ADAMTS9: variants seen among roughly 807,000 people sequenced by gnomAD.
ADAMTS9 encodes the protein A disintegrin and metalloproteinase with thrombospondin motifs 9.
A neutral mutation model predicts 257.1 loss-of-function variants in ADAMTS9; 107 were observed. The observed-to-expected ratio is 0.42, with a 90% CI of 0.36 to 0.49. ADAMTS9 has a LOEUF of 0.49. Ranked by LOEUF, ADAMTS9 falls within the 20% of genes least tolerant of loss-of-function variation. The pLI is 0.03. For missense variants in ADAMTS9, 2,353 were observed against 2,469.1 expected, an observed-to-expected ratio of 0.95 and a Z score of 1.00; for synonymous variants, 982 against 880.9, an observed-to-expected ratio of 1.11 and a Z score of -2.03.
intron 30 of ADAMTS9, among the ~76,000 whole-genome samples, chr3:64,555,825 G>C (rs541827764): frequency 2.3e-3 from 347 of 152,248 alleles, no homozygotes; most frequent in African/African-American, 8.1e-3. Context: ...TGGAGAAGCG[G>C]GGGAGCAGAA....
At chr3:64,643,445 A>AATT (rs1700707370) in intron 11 of ADAMTS9, among the ~76,000 whole-genome samples, 1 of 61,406 alleles carries the variant, frequency 1.6e-5, no homozygotes, top group African/African-American at 7.0e-5. Flanking sequence ...TTACTCAATA[A>AATT]TTTTTTTTTT....
intron 8 of ADAMTS9, among the ~76,000 whole-genome samples, chr3:64,653,291 G>C (rs1328629018): frequency 6.6e-6 from 1 of 152,200 alleles, no homozygotes; most frequent in Non-Finnish European, 1.5e-5. Context: ...CGAGGATAGA[G>C]ACGATGCTGA....
chr3:64,594,390 G>A lies in ADAMTS9; in HGVS notation c.4224C>T (p.Val1408=), dbSNP rs747106353. 1 of 1,614,106 alleles carries A rather than the reference G, an allele frequency of 6.2e-7. No individual in the cohort carries two copies. Among genetic ancestry groups the A allele is most frequent in the Non-Finnish European group, 8.5e-7 (1 of 1,179,968 alleles). Residue 1408 remains valine, a synonymous_variant, in exon 28 of 40, where the codon GTC becomes GTT. Coordinates refer to ENST00000498707, the MANE Select transcript of ADAMTS9 (RefSeq NM_182920.2). ...ACCGTTCACCGTTGGACCGCTGACAGACCACCAGTCTTGTTCTTATGCCTC... is the reference window on the plus strand; with the variant it reads ...ACCGTTCACCGTTGGACCGCTGACAAACCACCAGTCTTGTTCTTATGCCTC... The part of the protein sequence containing the change: ...CGGGIRTRLV[V]CQRSNGERFP...
chr3:64,587,940 G>T (rs1363914993), intron 28 of ADAMTS9: 1 of 152,092 alleles, frequency 6.6e-6, no homozygotes, highest in Non-Finnish European at 1.5e-5. Context: ...TGGAGGCCAA[G>T]GACCCAGCAG....
chr3:64,533,185 G>C lies in ADAMTS9; in HGVS notation c.5699C>G (p.Ser1900Cys). The change falls in exon 38 of 40, where the codon TCT (serine) becomes TGT (cysteine). Residue 1900 changes from serine (S) to cysteine (C), a missense_variant. By Grantham distance (112) the Ser-to-Cys change is moderately radical. This residue lies in a region of ADAMTS9 where 1,402 missense variants were observed against 1,441.4 expected (regional missense o/e 0.97). Coordinates refer to ENST00000498707, the MANE Select transcript of ADAMTS9 (RefSeq NM_182920.2). ...CCTTACCGGCGACTTCTTGATGTCA[G>C]AGACAGCATAATTCCCTTGTGATAT... is the stretch of plus-strand genomic sequence containing the variant. ...RWISQGNYAV[S>C]DIKKSPDGTR... is the part of the protein sequence containing the mutation. 6.2e-7 allele frequency: 1 copy of C among 1,613,888 alleles called. No homozygotes were observed.
At chr3:64,577,501 T>C (rs939377847) in intron 28 of ADAMTS9, among the ~76,000 whole-genome samples, 1 of 152,054 alleles carries the variant, frequency 6.6e-6, no homozygotes, top group Non-Finnish European at 1.5e-5. Context: ...GGGAGGGCGG[T>C]GGGTGAGAAA....
intron 23 of ADAMTS9, among the ~76,000 whole-genome samples, chr3:64,606,660 A>C (rs1248223552): frequency 6.6e-6 from 1 of 152,216 alleles, no homozygotes; most frequent in Non-Finnish European, 1.5e-5. Context: ...GTTACTGAAT[A>C]CTACATTGAA....
chr3:64,675,210 C>T (rs1216211240), intron 3 of ADAMTS9, among the ~76,000 whole-genome samples: 1 of 152,122 alleles, frequency 6.6e-6, no homozygotes, highest in African/African-American at 2.4e-5. Flanking sequence ...CTCAGTTTTC[C>T]AATCTGCAAA....
At chr3:64,595,855 T>C (rs2084355835) in intron 27 of ADAMTS9, among the ~76,000 whole-genome samples, 1 of 152,168 alleles carries the variant, frequency 6.6e-6, no homozygotes, top group African/African-American at 2.4e-5. Context: ...ATTTGATAAA[T>C]GTTATAGTCA....
chr3:64,656,835 G>C (rs554900755), intron 4 of ADAMTS9, among the ~76,000 whole-genome samples: 2 of 151,912 alleles, frequency 1.3e-5, no homozygotes, highest in African/African-American at 4.8e-5. Context: ...AAGGCAAGGA[G>C]TACCATAGGC....
intron 16 of ADAMTS9, among the ~76,000 whole-genome samples, chr3:64,625,182 G>A (rs1445818510): frequency 6.6e-6 from 1 of 152,152 alleles, no homozygotes; most frequent in Non-Finnish European, 1.5e-5. Flanking sequence ...GGTAACAGCC[G>A]CCCAAGAAAC....
intron 38 of ADAMTS9, among the ~76,000 whole-genome samples, chr3:64,526,781 C>T (rs111720942): frequency 5.9e-5 from 9 of 152,098 alleles, no homozygotes; most frequent in African/African-American, 1.4e-4. Context: ...TACCCCATCA[C>T]GGGTTTGCTG....
intron 22 of ADAMTS9, among the ~76,000 whole-genome samples, chr3:64,610,371 T>A (rs943766377): frequency 6.6e-6 from 1 of 152,138 alleles, no homozygotes; most frequent in African/African-American, 2.4e-5. Flanking sequence ...GGAATTGACA[T>A]CTAGAACCTA....
At chr3:64,539,744 C>T (rs17070941) in intron 36 of ADAMTS9, among the ~76,000 whole-genome samples, 10,131 of 152,246 alleles carry the variant, frequency 0.067, 1,258 homozygotes, top group Admixed American at 0.3. Flanking sequence ...CCTGAGGTTT[C>T]CTCTGTCCTC....
intron 20 of ADAMTS9, 102 bp from the exon 21 acceptor site, chr3:64,615,587 C>T (rs2084747370): frequency 1.7e-6 from 2 of 1,205,776 alleles, no homozygotes; most frequent in Non-Finnish European, 2.3e-6. Context: ...AGAAACAACA[C>T]ACAAGCTGGC....
chr3:64,647,927 G>A lies in ADAMTS9; in HGVS notation c.1710+13C>T. The A allele has an allele frequency of 6.2e-7, 1 of 1,611,832 alleles. No homozygotes were observed. The highest frequency in any genetic ancestry group is 1.3e-5 in the African/African-American group (1 of 75,006). On this transcript the variant is annotated intron_variant, in intron 11 of 39. Coordinates refer to ENST00000498707, the MANE Select transcript of ADAMTS9 (RefSeq NM_182920.2). ...TGCCCTAAGACAGAAGGACAGAACA[G>A]GGCATTACTTGCCTTTCCAGGCTCG...
At chr3:64,601,854 A>T in intron 26 of ADAMTS9, 90 bp downstream of exon 26, 1 of 1,460,904 alleles carries the variant, frequency 6.8e-7, no homozygotes, top group South Asian at 1.4e-5. Flanking sequence ...TGTAAAGAAA[A>T]AAATATGCTC....
At chr3:64,637,084 G>A (rs551635268) in intron 12 of ADAMTS9, among the ~76,000 whole-genome samples, 1 of 152,092 alleles carries the variant, frequency 6.6e-6, no homozygotes, top group Non-Finnish European at 1.5e-5. Flanking sequence ...GTAAAGGCAG[G>A]TTACAATTTC....
intron 4 of ADAMTS9, 97 bp from the exon 5 acceptor site, chr3:64,655,972 T>A: frequency 1.5e-6 from 1 of 682,170 alleles, no homozygotes; most frequent in South Asian, 2.6e-5. Flanking sequence ...TTTTTACGTT[T>A]CTTGCAACAT....
Sources: gnomAD v4.1 joint callset for allele counts (sites outside exome capture counted in the v4.1 genomes callset) on GRCh38, gnomAD v4.1.1 for gene constraint, gnomAD v4.1.1 regional missense constraint, MANE v1.5 for transcripts, NCBI Gene and HGNC (gene_info 2026-07-23, HGNC 2026-07-21) for gene names.